COG5: variants seen among roughly 807,000 people sequenced by gnomAD.
The protein encoded by COG5 is component of oligomeric golgi complex 5, also known as conserved oligomeric Golgi complex subunit 5.
Under a neutral mutation model 110.4 loss-of-function variants are expected in COG5, and 86 were observed. The ratio of observed to expected loss-of-function variants is 0.78; its 90% CI spans 0.65 to 0.93. The LOEUF is 0.93. Among genes scored for constraint, COG5 ranks in the 40% least tolerant of loss-of-function variants. COG5 has a pLI of 0.00. For synonymous variants in COG5, 360 were observed against 334.6 expected, an observed-to-expected ratio of 1.08 and a Z score of -0.83; for missense variants, 1,077 against 987.0, an observed-to-expected ratio of 1.09 and a Z score of -1.22.
At chr7:107,419,727 C>G (rs578002551) in intron 6 of COG5, among the ~76,000 whole-genome samples, 1 of 152,148 alleles carries the variant, frequency 6.6e-6, no homozygotes, top group African/African-American at 2.4e-5. Flanking sequence ...ACCACCATGC[C>G]CAGCTAATTT....
rs774665382 is a variant in COG5, at chr7:107,201,418, CACA to C, written c.*2095_*2097del. On this transcript the variant is annotated 3_prime_UTR_variant, in exon 22 of 22. Coordinates refer to ENST00000297135, the MANE Select transcript of COG5 (RefSeq NM_006348.5). ...AGTTTAATTTTATTTCCACAGGGCT[CACA>C]ACAACATTAAACCAGGATGCTTATG... The C allele has an allele frequency of 1.3e-4, 207 of 1,575,982 alleles. 1 individual carries two copies. Among genetic ancestry groups the C allele is most frequent in the Middle Eastern group, 8.4e-4 (5 of 5,972 alleles).
At chr7:107,429,635 T>C (rs1047356362) in intron 6 of COG5, among the ~76,000 whole-genome samples, 4 of 152,112 alleles carry the variant, frequency 2.6e-5, no homozygotes, top group African/African-American at 9.7e-5. Context: ...CCTACCCAAA[T>C]CTTATCTTGA....
chr7:107,408,011 A>G (rs1431544873), intron 7 of COG5, among the ~76,000 whole-genome samples: 5 of 152,246 alleles, frequency 3.3e-5, no homozygotes, highest in Non-Finnish European at 7.3e-5. Flanking sequence ...CAGTATGAGT[A>G]TTAAATGGAA....
chr7:107,506,221 G>T (rs936746333), intron 6 of COG5, among the ~76,000 whole-genome samples: 1 of 152,166 alleles, frequency 6.6e-6, no homozygotes, highest in Non-Finnish European at 1.5e-5. Flanking sequence ...TTGGCCTCCA[G>T]CCAGGAAATG....
At chr7:107,213,581 G>C (rs1050574721) in intron 19 of COG5, among the ~76,000 whole-genome samples, 4 of 152,222 alleles carry the variant, frequency 2.6e-5, no homozygotes, top group African/African-American at 9.6e-5. Context: ...CCAGCCAGCA[G>C]CTCCGCCTGA....
intron 14 of COG5, among the ~76,000 whole-genome samples, chr7:107,261,730 A>G (rs993682409): frequency 2.0e-5 from 3 of 152,152 alleles, no homozygotes; most frequent in African/African-American, 7.2e-5. Flanking sequence ...TTCCATGGTC[A>G]CACTCTATAA....
intron 7 of COG5, among the ~76,000 whole-genome samples, chr7:107,388,529 G>A (rs1442052108): frequency 6.6e-6 from 1 of 152,108 alleles, no homozygotes; most frequent in African/African-American, 2.4e-5. Context: ...TTAAAAATAT[G>A]CTCAGAAAAC....
chr7:107,242,501 A>G (rs1034970695), intron 17 of COG5, among the ~76,000 whole-genome samples: 1 of 152,232 alleles, frequency 6.6e-6, no homozygotes, highest in Non-Finnish European at 1.5e-5. Flanking sequence ...AGCCAGAGCT[A>G]TCAAGCCAGT....
chr7:107,335,115 A>G (rs1221083552), intron 10 of COG5, among the ~76,000 whole-genome samples: 1 of 152,228 alleles, frequency 6.6e-6, no homozygotes, highest in Non-Finnish European at 1.5e-5. Flanking sequence ...TAAAATGTAA[A>G]GTTTTTAAAG....
At chr7:107,373,187 T>C (rs1268893696) in intron 7 of COG5, among the ~76,000 whole-genome samples, 2 of 152,192 alleles carry the variant, frequency 1.3e-5, no homozygotes, top group African/African-American at 2.4e-5. Flanking sequence ...TTATTCATTA[T>C]ATTTCACTGA....
intron 6 of COG5, among the ~76,000 whole-genome samples, chr7:107,498,788 T>G (rs1239109007): frequency 3.3e-5 from 5 of 152,210 alleles, no homozygotes; most frequent in African/African-American, 9.6e-5. Context: ...GCAGTCCCAC[T>G]TCTGGGTTTT....
intron 9 of COG5, 37 bp downstream of exon 9, chr7:107,362,271 C>T: frequency 6.6e-7 from 1 of 1,515,026 alleles, no homozygotes; most frequent in Non-Finnish European, 9.2e-7. Flanking sequence ...AGGAGTTAAT[C>T]CATATTAATG....
intron 14 of COG5, among the ~76,000 whole-genome samples, chr7:107,269,802 C>T (rs981560339): frequency 1.1e-4 from 16 of 152,192 alleles, no homozygotes; most frequent in Non-Finnish European, 2.2e-4. Context: ...CATTAAATAG[C>T]TTCCCTCTCA....
intron 10 of COG5, among the ~76,000 whole-genome samples, chr7:107,342,508 T>A (rs2129036810): frequency 6.6e-6 from 1 of 151,958 alleles, no homozygotes; most frequent in East Asian, 1.9e-4. Flanking sequence ...TGAAACCCTG[T>A]CTCTACTAAA....
At chr7:107,531,670 CTT>C (rs111284238) in intron 5 of COG5, among the ~76,000 whole-genome samples, 141 of 136,980 alleles carry the variant, frequency 1.0e-3, no homozygotes, top group Non-Finnish European at 1.6e-3. Context: ...TGGGGTTTTG[CTT>C]TTTTTTTTTT....
At chr7:107,487,117 A>G (rs1797701111) in intron 6 of COG5, among the ~76,000 whole-genome samples, 1 of 152,186 alleles carries the variant, frequency 6.6e-6, no homozygotes. Context: ...AATTAAACCT[A>G]AAACATCAAA....
intron 6 of COG5, among the ~76,000 whole-genome samples, chr7:107,492,881 T>C (rs572491826): frequency 6.6e-6 from 1 of 152,272 alleles, no homozygotes; most frequent in South Asian, 2.1e-4. Flanking sequence ...TTCTGCCTAT[T>C]GTGCCATACT....
intron 7 of COG5, among the ~76,000 whole-genome samples, chr7:107,399,146 G>T (rs555200884): frequency 6.6e-6 from 1 of 152,194 alleles, no homozygotes; most frequent in African/African-American, 2.4e-5. Context: ...AGGTTGCAGT[G>T]AGTCGAGATC....
At chr7:107,214,315 C>CAGCAAAAACATTTTA (rs1799370436) in intron 19 of COG5, among the ~76,000 whole-genome samples, 1 of 152,102 alleles carries the variant, frequency 6.6e-6, no homozygotes, top group African/African-American at 2.4e-5. Flanking sequence ...AGCAAAAACC[C>CAGCAAAAACATTTTA]TGCAGGGCAG....
Sources: gnomAD v4.1 joint callset for allele counts (sites outside exome capture counted in the v4.1 genomes callset) on GRCh38, gnomAD v4.1.1 for gene constraint, MANE v1.5 for transcripts, NCBI Gene and HGNC (gene_info 2026-07-23, HGNC 2026-07-21) for gene names.